The following EPHA3 variants were observed in gnomAD, a reference collection of about 807,000 sequenced individuals.
EPHA3 encodes ephrin type-A receptor 3.
A neutral mutation model predicts 107.1 loss-of-function variants in EPHA3; 42 were observed. That is an observed-to-expected ratio of 0.39 (90% CI 0.31 to 0.51). The LOEUF is 0.51. EPHA3 is among the 20% of genes least tolerant of loss of function. EPHA3 has a pLI of 0.78. For missense variants in EPHA3, 1,183 were observed against 1,211.2 expected, an observed-to-expected ratio of 0.98 and a Z score of 0.35; for synonymous variants, 461 against 424.8, an observed-to-expected ratio of 1.09 and a Z score of -1.05.
rs188893372 is a variant in EPHA3 at position 89,244,358 on chromosome 3, A to G, written c.814+33838A>G. Among the ~76,000 whole-genome samples, 4 of 152,154 alleles carry G rather than the reference A, an allele frequency of 2.6e-5. No individual in the cohort carries two copies. In the East Asian group the frequency reaches 7.7e-4, roughly 29 times the overall value. ...CACTGAAATATATGCTAATATCTAA[A>G]AATTTTAAGTAGTAAGATTTCTAAA... On this transcript the variant is annotated intron_variant, in intron 3 of 16. Transcript: ENST00000336596.
At chr3:89,218,213 A>T (rs1704265888) in intron 3 of EPHA3, among the ~76,000 whole-genome samples, 1 of 151,782 alleles carries the variant, frequency 6.6e-6, no homozygotes, top group African/African-American at 2.4e-5. Flanking sequence ...ATATGTACAC[A>T]TGTGCCATGT....
intron 3 of EPHA3, among the ~76,000 whole-genome samples, chr3:89,290,425 T>C (rs984659728): frequency 6.6e-6 from 1 of 152,130 alleles, no homozygotes; most frequent in African/African-American, 2.4e-5. Context: ...CTTTTACACA[T>C]GTAGCATACA....
intron 5 of EPHA3, among the ~76,000 whole-genome samples, chr3:89,356,762 A>T (rs1243950639): frequency 4.0e-5 from 6 of 151,078 alleles, no homozygotes; most frequent in African/African-American, 1.5e-4. Context: ...ATTGAAAGTT[A>T]TATATATTGG....
At chr3:89,427,746 G>A (rs1709488616) in intron 11 of EPHA3, among the ~76,000 whole-genome samples, 1 of 151,710 alleles carries the variant, frequency 6.6e-6, no homozygotes, top group South Asian at 2.1e-4. Context: ...TTCTGGGTAG[G>A]AATCAGTAAA....
intron 3 of EPHA3, among the ~76,000 whole-genome samples, chr3:89,256,618 T>G (rs900164782): frequency 6.7e-6 from 1 of 149,656 alleles, no homozygotes; most frequent in African/African-American, 2.5e-5. Flanking sequence ...TAAATAAAAT[T>G]CTATGGTCTA....
chr3:89,320,481 C>T (rs200439366), intron 3 of EPHA3, among the ~76,000 whole-genome samples: 2 of 152,094 alleles, frequency 1.3e-5, no homozygotes, highest in East Asian at 3.9e-4. Context: ...ACATATTCTC[C>T]AATGTAATCA....
chr3:89,387,645 G>T (rs13096454), intron 5 of EPHA3, among the ~76,000 whole-genome samples: 2 of 152,190 alleles, frequency 1.3e-5, no homozygotes, highest in East Asian at 1.9e-4. Flanking sequence ...TATGTATGAA[G>T]ATTGCTCTAA....
intron 13 of EPHA3, among the ~76,000 whole-genome samples, chr3:89,446,374 A>G (rs541804242): frequency 1.3e-5 from 2 of 152,304 alleles, no homozygotes; most frequent in South Asian, 2.1e-4. Flanking sequence ...AAGCTTAAGC[A>G]GAAATATGGC....
intron 1 of EPHA3, among the ~76,000 whole-genome samples, chr3:89,120,916 T>C (rs1707363411): frequency 6.6e-6 from 1 of 152,218 alleles, no homozygotes; most frequent in Non-Finnish European, 1.5e-5. Context: ...AGGTTTTTCA[T>C]AGCAATGTTT....
intron 2 of EPHA3, among the ~76,000 whole-genome samples, chr3:89,142,983 C>T (rs1199792448): frequency 1.3e-5 from 2 of 150,968 alleles, no homozygotes. Context: ...CCTCTTTTAA[C>T]CTTTTAGCTA....
chr3:89,428,038 A>T (rs1459102722), intron 11 of EPHA3, among the ~76,000 whole-genome samples: 1 of 152,016 alleles, frequency 6.6e-6, no homozygotes, highest in African/African-American at 2.4e-5. Context: ...TCTTAAGGTC[A>T]TCATTTTAAT....
intron 3 of EPHA3, among the ~76,000 whole-genome samples, chr3:89,327,537 G>A (rs183537687): frequency 2.0e-4 from 31 of 152,224 alleles, no homozygotes; most frequent in African/African-American, 6.7e-4. Flanking sequence ...TATACTGAGG[G>A]CACGTTAGGT....
At chr3:89,250,007 C>T (rs1340634656) in intron 3 of EPHA3, among the ~76,000 whole-genome samples, 2 of 152,132 alleles carry the variant, frequency 1.3e-5, no homozygotes, top group Non-Finnish European at 2.9e-5. Flanking sequence ...CATCACCAGA[C>T]TTACTAGCTT....
intron 5 of EPHA3, among the ~76,000 whole-genome samples, chr3:89,357,733 C>G (rs906331960): frequency 6.6e-6 from 1 of 151,262 alleles, no homozygotes; most frequent in Non-Finnish European, 1.5e-5. Flanking sequence ...ACATTGCCTA[C>G]TGTTCCATTA....
chr3:89,413,568 C>G (rs1163282728), intron 10 of EPHA3, among the ~76,000 whole-genome samples: 1 of 151,688 alleles, frequency 6.6e-6, no homozygotes, highest in Non-Finnish European at 1.5e-5. Flanking sequence ...ATAAGGATAA[C>G]TGGATAAAAG....
At chr3:89,399,797 T>C (rs1421932989) in intron 7 of EPHA3, 2 of 1,115,936 alleles carry the variant, frequency 1.8e-6, no homozygotes, top group Non-Finnish European at 2.2e-6. Flanking sequence ...CCAGTGTCTG[T>C]CATTTCAGAT....
chr3:89,407,262 C>A lies in EPHA3; in HGVS notation c.1595-7C>A. ...CCTGTTCTTATTTTTTCTCTTCAAC[C>A]TCACAGCTTTCTCCATCTCTGGTGA... On this transcript the variant is annotated splice_polypyrimidine_tract_variant and splice_region_variant and intron_variant, in intron 7 of 16. Coordinates refer to ENST00000336596, the MANE Select transcript of EPHA3 (RefSeq NM_005233.6). 2 of 1,610,878 alleles carry A rather than the reference C, an allele frequency of 1.2e-6. No homozygotes were observed. The highest frequency in any genetic ancestry group is 3.3e-5 in the Admixed American group (2 of 59,922).
At chr3:89,343,982 T>G (rs1707588866) in intron 5 of EPHA3, among the ~76,000 whole-genome samples, 1 of 152,208 alleles carries the variant, frequency 6.6e-6, no homozygotes, top group Non-Finnish European at 1.5e-5. Flanking sequence ...ATATATTGCA[T>G]GATTATGGCT....
At chr3:89,202,708 A>C (rs1351332345) in intron 2 of EPHA3, among the ~76,000 whole-genome samples, 1 of 152,004 alleles carries the variant, frequency 6.6e-6, no homozygotes, top group Non-Finnish European at 1.5e-5. Flanking sequence ...ACAGAAAATC[A>C]CAGTAGAATG....
Sources: allele counts gnomAD v4.1 joint callset (sites outside exome capture counted in the v4.1 genomes callset), GRCh38; gene constraint gnomAD v4.1.1; transcripts MANE v1.5; gene names NCBI Gene and HGNC (gene_info 2026-07-23, HGNC 2026-07-21).